CFDP1: variants seen among roughly 807,000 people sequenced by gnomAD.
CFDP1 encodes chromatin remodeling protein CFDP1, also known as heterochromatin-stabilizing protein CFDP1.
A neutral mutation model predicts 40.1 loss-of-function variants in CFDP1; 31 were observed. The ratio of observed to expected loss-of-function variants is 0.77; its 90% CI spans 0.58 to 1.04. The LOEUF (loss-of-function observed/expected upper bound fraction) is 1.04, where lower values mean the gene tolerates loss of function less well. CFDP1 is among the 50% of genes least tolerant of loss of function. CFDP1 has a pLI of 0.00. For missense variants in CFDP1, 423 were observed against 343.4 expected (o/e 1.23, Z -1.83); for synonymous variants, 167 against 120.0 (o/e 1.39, Z -2.56).
At chr16:75,322,426 G>A (rs1487972625) in intron 5 of CFDP1, among the ~76,000 whole-genome samples, 1 of 152,150 alleles carries the variant, frequency 6.6e-6, no homozygotes, top group African/African-American at 2.4e-5. Context: ...ATCACAGAGT[G>A]TACTTACACA....
At chr16:75,394,409 T>A (rs2151563490) in intron 5 of CFDP1, among the ~76,000 whole-genome samples, 1 of 152,336 alleles carries the variant, frequency 6.6e-6, no homozygotes. Flanking sequence ...ATTAAGTTCC[T>A]GACAATGTGT....
intron 4 of CFDP1, among the ~76,000 whole-genome samples, chr16:75,396,918 G>A (rs1214809558): frequency 6.6e-6 from 1 of 151,832 alleles, no homozygotes; most frequent in Non-Finnish European, 1.5e-5. Context: ...TTGTTTGTTT[G>A]TTTGTTTTCA....
intron 4 of CFDP1, among the ~76,000 whole-genome samples, chr16:75,408,263 C>G (rs758778257): frequency 6.6e-6 from 1 of 152,016 alleles, no homozygotes; most frequent in African/African-American, 2.4e-5. Flanking sequence ...ATGTATACTT[C>G]TGATCCCATG....
chr16:75,294,104 G>T, intron 6 of CFDP1, 62 bp from the exon 7 acceptor site: 1 of 1,238,072 alleles, frequency 8.1e-7, no homozygotes, highest in Non-Finnish European at 1.2e-6. Flanking sequence ...CCCCTGCACA[G>T]TCCCATCCCC....
At chr16:75,326,233 G>A (rs539848473) in intron 5 of CFDP1, among the ~76,000 whole-genome samples, 23 of 152,264 alleles carry the variant, frequency 1.5e-4, no homozygotes, top group Non-Finnish European at 2.6e-4. Context: ...CGACACTGCA[G>A]CCGGGTTGCT....
chr16:75,364,111 T>C (rs1267729047), intron 5 of CFDP1, among the ~76,000 whole-genome samples: 1 of 151,384 alleles, frequency 6.6e-6, no homozygotes, highest in Non-Finnish European at 1.5e-5. Context: ...GTGTTTAAAG[T>C]GAAATTAAAA....
At chr16:75,302,720 CT>C (rs573241053) in intron 6 of CFDP1, among the ~76,000 whole-genome samples, 336 of 152,334 alleles carry the variant, frequency 2.2e-3, no homozygotes, top group Non-Finnish European at 4.0e-3. Context: ...GTTACTGGAG[CT>C]GAATCTGAAT....
chr16:75,328,144 AT>A (rs1262815642), intron 5 of CFDP1, among the ~76,000 whole-genome samples: 2,079 of 127,622 alleles, frequency 0.016, 18 homozygotes, highest in African/African-American at 0.03. Flanking sequence ...TTGGTACTTG[AT>A]TTTTTTTTTT....
At chr16:75,327,013 G>A (rs1189668028) in intron 5 of CFDP1, among the ~76,000 whole-genome samples, 3 of 152,224 alleles carry the variant, frequency 2.0e-5, no homozygotes, top group Non-Finnish European at 4.4e-5. Flanking sequence ...GCTGACGCCT[G>A]TAATCCCAGC....
intron 5 of CFDP1, among the ~76,000 whole-genome samples, chr16:75,321,542 T>C (rs570653175): frequency 1.3e-5 from 2 of 152,316 alleles, no homozygotes; most frequent in African/African-American, 4.8e-5. Context: ...ACCTGCCTTA[T>C]TCTGTTATTG....
chr16:75,334,889 A>G lies in CFDP1; in HGVS notation c.651-29707T>C, dbSNP rs561570231. 7.9e-5 allele frequency among the ~76,000 whole-genome samples: 12 copies of G among 152,026 alleles called. No individual in the cohort carries two copies. In the South Asian group the frequency reaches 1.7e-3, roughly 21 times the overall value. On this transcript the variant is annotated intron_variant, in intron 5 of 6. Transcript: ENST00000283882. The stretch of plus-strand genomic sequence containing the variant: ...AGAATCGTTTGAACCCCGGAGGTGG[A>G]GGTTGCAGTGAGCTGAGATCATGCC...
At chr16:75,340,363 C>T (rs1900502955) in intron 5 of CFDP1, among the ~76,000 whole-genome samples, 1 of 152,202 alleles carries the variant, frequency 6.6e-6, no homozygotes, top group African/African-American at 2.4e-5. Flanking sequence ...TGTTATTTCT[C>T]TTCTCTAGTA....
At chr16:75,326,498 C>T (rs779360526) in intron 5 of CFDP1, among the ~76,000 whole-genome samples, 1 of 152,236 alleles carries the variant, frequency 6.6e-6, no homozygotes, top group Non-Finnish European at 1.5e-5. Flanking sequence ...CTCCCTAAAG[C>T]TCTCACATCC....
intron 4 of CFDP1, among the ~76,000 whole-genome samples, chr16:75,408,371 A>G (rs959696975): frequency 6.6e-6 from 1 of 152,188 alleles, no homozygotes; most frequent in Non-Finnish European, 1.5e-5. Context: ...GAGAAAACCA[A>G]CAAAGAAATA....
chr16:75,385,747 G>C (rs1442679178), intron 5 of CFDP1, among the ~76,000 whole-genome samples: 1 of 110,702 alleles, frequency 9.0e-6, no homozygotes, highest in Non-Finnish European at 2.2e-5. Flanking sequence ...AGTAAAAGAA[G>C]TTAAAGACCT....
At chr16:75,396,927 C>A (rs997910089) in intron 4 of CFDP1, among the ~76,000 whole-genome samples, 2 of 151,656 alleles carry the variant, frequency 1.3e-5, no homozygotes, top group Non-Finnish European at 2.9e-5. Context: ...TGTTTGTTTT[C>A]ATTTGAGATG....
chr16:75,425,732 T>A (rs1172152134), intron 1 of CFDP1, among the ~76,000 whole-genome samples: 1 of 151,596 alleles, frequency 6.6e-6, no homozygotes, highest in African/African-American at 2.4e-5. Flanking sequence ...GATAACTGAT[T>A]TTTTAAAAAA....
At chr16:75,318,896 A>G (rs1001589868) in intron 5 of CFDP1, among the ~76,000 whole-genome samples, 1 of 152,176 alleles carries the variant, frequency 6.6e-6, no homozygotes, top group African/African-American at 2.4e-5. Context: ...CAAATCAGAA[A>G]TAATTCCTTA....
chr16:75,424,974 T>G (rs2079320469), intron 1 of CFDP1, among the ~76,000 whole-genome samples: 1 of 151,012 alleles, frequency 6.6e-6, no homozygotes, highest in Admixed American at 6.6e-5. Context: ...CCAGAACTGG[T>G]AAATGAGTTT....
Sources: gnomAD v4.1 joint callset for allele counts (sites outside exome capture counted in the v4.1 genomes callset) on GRCh38, gnomAD v4.1.1 for gene constraint, MANE v1.5 for transcripts, NCBI Gene and HGNC (gene_info 2026-07-23, HGNC 2026-07-21) for gene names.